The following GRM7 variants were observed in gnomAD, a reference collection of about 807,000 sequenced individuals.
The protein encoded by GRM7 is metabotropic glutamate receptor 7.
GRM7 carries 35 observed loss-of-function variants against 84.5 expected under a neutral mutation model. That is an observed-to-expected ratio of 0.41 (90% CI 0.32 to 0.55). The LOEUF (loss-of-function observed/expected upper bound fraction) is 0.55, where lower values mean the gene tolerates loss of function less well. Ranked by LOEUF, GRM7 falls within the 20% of genes least tolerant of loss-of-function variation. The pLI is 0.19. For missense variants in GRM7, 1,003 were observed against 1,194.6 expected, an observed-to-expected ratio of 0.84 and a Z score of 2.36; for synonymous variants, 487 against 455.1, an observed-to-expected ratio of 1.07 and a Z score of -0.89.
intron 2 of GRM7, among the ~76,000 whole-genome samples, chr3:7,261,018 G>C (rs1026275499): frequency 2.6e-5 from 4 of 152,054 alleles, no homozygotes; most frequent in East Asian, 1.9e-4. Context: ...ATCTGCTAGG[G>C]GGGTGCCAGT....
chr3:7,256,719 T>C (rs1041838246), intron 2 of GRM7, among the ~76,000 whole-genome samples: 1 of 152,208 alleles, frequency 6.6e-6, no homozygotes, highest in Non-Finnish European at 1.5e-5. Context: ...GAGCATCTGC[T>C]ATATTCTAGG....
chr3:6,904,895 AT>A (rs1574996336), intron 1 of GRM7, among the ~76,000 whole-genome samples: 2 of 151,518 alleles, frequency 1.3e-5, no homozygotes, highest in African/African-American at 4.9e-5. Flanking sequence ...TAATTTGTGT[AT>A]TTTTTCTGTA....
intron 1 of GRM7, among the ~76,000 whole-genome samples, chr3:6,972,600 G>A (rs941223446): frequency 1.3e-5 from 2 of 152,192 alleles, no homozygotes; most frequent in South Asian, 2.1e-4. Context: ...CTATTGGCAA[G>A]AACTTGTGAA....
chr3:7,211,299 A>C (rs1335240324), intron 2 of GRM7, among the ~76,000 whole-genome samples: 1 of 152,204 alleles, frequency 6.6e-6, no homozygotes, highest in East Asian at 1.9e-4. Flanking sequence ...CTGCTTGTTA[A>C]ATTTGTAGAA....
At chr3:7,020,943 A>G (rs989250580) in intron 1 of GRM7, among the ~76,000 whole-genome samples, 1 of 152,166 alleles carries the variant, frequency 6.6e-6, no homozygotes, top group Non-Finnish European at 1.5e-5. Context: ...AGAGGAAGAC[A>G]TCCCTGACTA....
chr3:7,200,057 C>T (rs1696013242), intron 2 of GRM7, among the ~76,000 whole-genome samples: 2 of 152,234 alleles, frequency 1.3e-5, no homozygotes, highest in Admixed American at 6.5e-5. Flanking sequence ...GGTAAAATGG[C>T]GAAGTGAATG....
chr3:7,141,819 G>A (rs953182361), intron 1 of GRM7, among the ~76,000 whole-genome samples: 1 of 151,890 alleles, frequency 6.6e-6, no homozygotes, highest in African/African-American at 2.4e-5. Flanking sequence ...GTTCTTTTCT[G>A]TCATTAAAGA....
intron 5 of GRM7, among the ~76,000 whole-genome samples, chr3:7,425,072 A>C (rs1696550751): frequency 6.6e-6 from 1 of 152,198 alleles, no homozygotes; most frequent in Admixed American, 6.6e-5. Flanking sequence ...AACTGAACAC[A>C]AATAGATACT....
chr3:7,740,350 C>G lies in GRM7; in HGVS notation c.2699-7C>G, dbSNP rs1702647216. 3.2e-6 allele frequency: 5 copies of G among 1,569,398 alleles called. No homozygotes were observed. The highest frequency in any genetic ancestry group is 4.4e-6 in the Non-Finnish European group (5 of 1,145,864). On this transcript the variant is annotated splice_polypyrimidine_tract_variant and splice_region_variant and intron_variant, in intron 9 of 9. Transcript: ENST00000357716. Reference sequence around the variant, plus strand: ...CTGCAACTGACACTTTCTAATTTTTCTTTCAGGCCCTGCTGCAAAAAAGAA... The same window carrying G: ...CTGCAACTGACACTTTCTAATTTTTGTTTCAGGCCCTGCTGCAAAAAAGAA...
chr3:7,090,104 C>A (rs13074276), intron 1 of GRM7, among the ~76,000 whole-genome samples: 86,331 of 151,954 alleles, frequency 0.57, 26,561 homozygotes, highest in African/African-American at 0.83. Context: ...CAGCCTCCTA[C>A]AGTACTGGGA....
chr3:7,702,830 A>G lies in GRM7; in HGVS notation c.2698+22535A>G, dbSNP rs183635942. On this transcript the variant is annotated intron_variant, in intron 9 of 9. Transcript: ENST00000357716. ...CTTATTGGAACAGTCTCAGAGTACA[A>G]AAACACTTTTTTCAAATGTCACTAT... 3.9e-5 allele frequency among the ~76,000 whole-genome samples: 6 copies of G among 152,318 alleles called. No homozygotes were observed. In the East Asian group the frequency reaches 1.2e-3, roughly 29 times the overall value.
chr3:6,958,167 C>A lies in GRM7; in HGVS notation c.519+96260C>A, dbSNP rs529799361. Reference sequence around the variant, plus strand: ...TTACCACCCCCAAAGTTTTCTTGTGCCCCTATGCAATCTTTGTTACTCTCT... The same window carrying A: ...TTACCACCCCCAAAGTTTTCTTGTGACCCTATGCAATCTTTGTTACTCTCT... On this transcript the variant is annotated intron_variant, in intron 1 of 9. Transcript: ENST00000357716. 1.1e-4 allele frequency among the ~76,000 whole-genome samples: 16 copies of A among 152,026 alleles called. No homozygotes were observed. The Middle Eastern group carries it at 0.014, about 130-fold the overall frequency.
chr3:6,911,512 T>C (rs1168848810), intron 1 of GRM7, among the ~76,000 whole-genome samples: 2 of 152,148 alleles, frequency 1.3e-5, no homozygotes, highest in Non-Finnish European at 1.5e-5. Context: ...AATACACATA[T>C]GCATGTTTCA....
intron 7 of GRM7, among the ~76,000 whole-genome samples, chr3:7,478,010 G>A (rs1258861552): frequency 6.6e-6 from 1 of 152,066 alleles, no homozygotes; most frequent in Non-Finnish European, 1.5e-5. Flanking sequence ...TTATCAATGT[G>A]AGTGGATTTT....
intron 2 of GRM7, among the ~76,000 whole-genome samples, chr3:7,222,670 G>T (rs1316442543): frequency 6.6e-6 from 1 of 152,270 alleles, no homozygotes; most frequent in South Asian, 2.1e-4. Flanking sequence ...TAAATGTTTG[G>T]TTTTTTAAGC....
intron 1 of GRM7, among the ~76,000 whole-genome samples, chr3:7,109,666 C>T (rs1475514668): frequency 6.6e-6 from 1 of 152,062 alleles, no homozygotes; most frequent in Non-Finnish European, 1.5e-5. Flanking sequence ...ATTTCGTCCG[C>T]TATAGTGAGT....
At chr3:7,200,630 C>T (rs34237202) in intron 2 of GRM7, among the ~76,000 whole-genome samples, 13,369 of 152,142 alleles carry the variant, frequency 0.088, 863 homozygotes, top group Non-Finnish European at 0.13. Context: ...CTGCACTCAC[C>T]CCCAGAATTG....
At chr3:7,364,926 G>A (rs775161224) in intron 4 of GRM7, among the ~76,000 whole-genome samples, 49 of 151,696 alleles carry the variant, frequency 3.2e-4, no homozygotes, top group Non-Finnish European at 6.0e-4. Flanking sequence ...CACTTACCTG[G>A]TTCGCTCTCT....
At chr3:7,523,794 G>A (rs192158473) in intron 7 of GRM7, among the ~76,000 whole-genome samples, 113 of 152,206 alleles carry the variant, frequency 7.4e-4, no homozygotes, top group African/African-American at 2.7e-3. Context: ...ATATAGTGGG[G>A]ATTAAGGACA....
Sources: gnomAD v4.1 joint callset for allele counts (sites outside exome capture counted in the v4.1 genomes callset) on GRCh38, gnomAD v4.1.1 for gene constraint, MANE v1.5 for transcripts, NCBI Gene and HGNC (gene_info 2026-07-23, HGNC 2026-07-21) for gene names.